Variants in UNC79 observed in about 807,000 individuals in gnomAD.
UNC79 encodes unc-79 subunit of NALCN channel complex.
A neutral mutation model predicts 283.1 loss-of-function variants in UNC79; 37 were observed. The ratio of observed to expected loss-of-function variants is 0.13; its 90% CI spans 0.10 to 0.17. UNC79 has a LOEUF of 0.17. Among genes scored for constraint, UNC79 ranks in the 10% least tolerant of loss-of-function variants. UNC79 has a pLI of 1.00. For missense variants in UNC79, 2,272 were observed against 3,211.1 expected (o/e 0.71, Z 7.07); for synonymous variants, 1,107 against 1,200.2 (o/e 0.92, Z 1.61).
intron 1 of UNC79, among the ~76,000 whole-genome samples, chr14:93,370,451 G>A (rs1398532144): frequency 6.6e-6 from 1 of 152,212 alleles, no homozygotes; most frequent in Non-Finnish European, 1.5e-5. Flanking sequence ...ACTAGACACA[G>A]CTGAAGAAAG....
At chr14:93,334,647 A>G (rs1027563593) in intron 1 of UNC79, 1 of 152,248 alleles carries the variant, frequency 6.6e-6, no homozygotes, top group Non-Finnish European at 1.5e-5. Flanking sequence ...TTTGCTAAAT[A>G]CAGTTAACAC....
At chr14:93,530,680 T>C (rs942706886) in intron 10 of UNC79, among the ~76,000 whole-genome samples, 15 of 150,782 alleles carry the variant, frequency 9.9e-5, no homozygotes, top group Non-Finnish European at 1.9e-4. Flanking sequence ...GAGGCCGAGG[T>C]GGGCGGATCA....
intron 1 of UNC79, among the ~76,000 whole-genome samples, chr14:93,436,349 TACA>T: frequency 6.6e-6 from 1 of 152,352 alleles, no homozygotes; most frequent in South Asian, 2.1e-4. Flanking sequence ...ACAGTATTTA[TACA>T]ACATGTTACA....
intron 1 of UNC79, among the ~76,000 whole-genome samples, chr14:93,380,704 A>T (rs917007066): frequency 2.0e-5 from 3 of 152,188 alleles, no homozygotes; most frequent in African/African-American, 7.2e-5. Context: ...TCTGTGGTAT[A>T]TAGAAGGTAC....
chr14:93,668,144 G>A (rs2072419556), intron 40 of UNC79, among the ~76,000 whole-genome samples: 1 of 152,064 alleles, frequency 6.6e-6, no homozygotes, highest in South Asian at 2.1e-4. Context: ...GGTGCTGGAG[G>A]TCCCATTCAG....
intron 1 of UNC79, among the ~76,000 whole-genome samples, chr14:93,355,779 A>G (rs969365808): frequency 1.1e-4 from 16 of 152,132 alleles, no homozygotes; most frequent in African/African-American, 2.9e-4. Flanking sequence ...TCATGCCCCT[A>G]TCCTATCAAT....
intron 32 of UNC79, 54 bp downstream of exon 35, chr14:93,637,353 T>C: frequency 1.2e-6 from 2 of 1,600,850 alleles, no homozygotes; most frequent in Non-Finnish European, 1.7e-6. Flanking sequence ...ACTGGACATG[T>C]CCATCATTTG....
exon 24 of UNC79, chr14:93,597,451 T>C: frequency 6.2e-7 from 1 of 1,614,206 alleles, no homozygotes; most frequent in Non-Finnish European, 8.5e-7. Flanking sequence ...TGCCTTCTGC[T>C]GCTTCCTGAC....
intron 1 of UNC79, among the ~76,000 whole-genome samples, chr14:93,339,952 G>A (rs1424230052): frequency 6.6e-6 from 1 of 152,216 alleles, no homozygotes; most frequent in Non-Finnish European, 1.5e-5. Context: ...AAGTAATAAG[G>A]AGAATGGCCT....
In UNC79 at chr14:93,662,471, A is replaced by G. The variant is rs2140458694; in HGVS notation, c.6526-133A>G. ...TTTATTAGACCAATGGGGTTGCTAC[A>G]GGAGCCACTGGGCAACAGAGTTTTC... On this transcript the variant is annotated intron_variant, in intron 39 of 48. Coordinates refer to ENST00000555664, the Ensembl canonical transcript of UNC79. The G allele has an allele frequency of 5.0e-6, 3 of 596,266 alleles. No homozygotes were observed. The South Asian group carries it at 8.6e-5, about 17-fold the overall frequency. 36.9% of individuals were successfully genotyped at this position (596,266 alleles called of 1,614,324 possible). A position where few individuals can be genotyped will look rare whatever the true frequency, so the allele number is the denominator to read the frequency against.
intron 11 of UNC79, among the ~76,000 whole-genome samples, chr14:93,536,395 C>T (rs2061075803): frequency 6.6e-6 from 1 of 152,112 alleles, no homozygotes; most frequent in Non-Finnish European, 1.5e-5. Context: ...GCTCTAGGCC[C>T]CACCCTCTGG....
chr14:93,623,052 T>C (rs1359413941), intron 30 of UNC79, among the ~76,000 whole-genome samples: 1 of 152,198 alleles, frequency 6.6e-6, no homozygotes, highest in African/African-American at 2.4e-5. Context: ...AATGTTTCTG[T>C]TTTTGTTGTT....
intron 25 of UNC79, among the ~76,000 whole-genome samples, chr14:93,602,078 G>T (rs545248497): frequency 5.5e-4 from 83 of 152,112 alleles, no homozygotes; most frequent in South Asian, 1.2e-3. Flanking sequence ...GGATTATTTT[G>T]TTTGCTGTGC....
chr14:93,443,201 GC>G (rs1432371082), intron 1 of UNC79, among the ~76,000 whole-genome samples: 24 of 149,656 alleles, frequency 1.6e-4, no homozygotes, highest in Non-Finnish European at 3.1e-4. Context: ...TCCAGCCTGG[GC>G]AACAGAGAGG....
intron 33 of UNC79, 123 bp from the exon 37 acceptor site, chr14:93,643,434 G>A (rs1449946826): frequency 3.0e-6 from 4 of 1,350,684 alleles, no homozygotes; most frequent in Admixed American, 1.8e-5. Context: ...CCAGAGTGGG[G>A]CTCCTGATCT....
intron 40 of UNC79, among the ~76,000 whole-genome samples, chr14:93,671,312 A>G (rs1396780865): frequency 6.6e-6 from 1 of 152,192 alleles, no homozygotes; most frequent in Non-Finnish European, 1.5e-5. Context: ...TACCAGATTC[A>G]GAATAGTGGC....
rs548200919 is a variant in UNC79 at position 93,528,605 on chromosome 14, C to A, written c.1011C>A (p.Pro337=). The A allele has an allele frequency of 5.0e-6, 8 of 1,613,742 alleles. 1 individual carries two copies. The Admixed American group carries it at 1.3e-4, about 27-fold the overall frequency. The change falls in exon 9 of 49, where the codon CCC becomes CCA. Residue 337 remains proline, a synonymous_variant. Transcript: ENST00000555664. ...CAGTAGCGTTGGGTGATAAACCACCCCCGTTGTATCTCTGTGAAGAATGCA... is the reference window on the plus strand; with the variant it reads ...CAGTAGCGTTGGGTGATAAACCACCACCGTTGTATCTCTGTGAAGAATGCA...
intron 39 of UNC79, among the ~76,000 whole-genome samples, chr14:93,660,563 A>ATATATATATATATATATATG (rs1203621990): frequency 4.6e-5 from 3 of 64,784 alleles, no homozygotes; most frequent in Non-Finnish European, 5.8e-5. Context: ...ATATATATAT[A>ATATATATATATATATATATG]TGTGTGTGTG....
chr14:93,652,880 C>G (rs915872762), intron 35 of UNC79, among the ~76,000 whole-genome samples: 4 of 152,014 alleles, frequency 2.6e-5, no homozygotes, highest in Admixed American at 2.6e-4. Flanking sequence ...GCTATGCTGC[C>G]TGCATCAAAC....
Sources: allele counts gnomAD v4.1 joint callset (sites outside exome capture counted in the v4.1 genomes callset), GRCh38; gene constraint gnomAD v4.1.1; transcripts MANE v1.5; gene names NCBI Gene and HGNC (gene_info 2026-07-23, HGNC 2026-07-21).